The following ZNF638 variants were observed in gnomAD, a reference collection of about 807,000 sequenced individuals.
The protein encoded by ZNF638 is zinc finger protein 638, also known as CTCL tumor antigen se33-1.
In ZNF638, 46 loss-of-function variants were observed where a neutral mutation model predicts 195.6. The observed-to-expected ratio is 0.24, with a 90% CI of 0.19 to 0.30. ZNF638 has a LOEUF of 0.30. Ranked by LOEUF, ZNF638 falls within the 10% of genes least tolerant of loss-of-function variation. The pLI is 1.00. For missense variants in ZNF638, 2,440 were observed against 2,325.3 expected (o/e 1.05, Z -1.01); for synonymous variants, 845 against 772.0 (o/e 1.09, Z -1.57).
intron 1 of ZNF638, among the ~76,000 whole-genome samples, chr2:71,333,825 T>G (rs966289297): frequency 3.3e-5 from 5 of 152,222 alleles, no homozygotes; most frequent in Admixed American, 2.6e-4. Flanking sequence ...GACTGTTAAG[T>G]GAGACAGTGT....
At chr2:71,408,472 C>A (rs566646520) in intron 20 of ZNF638, 2 of 465,774 alleles carry the variant, frequency 4.3e-6, no homozygotes, top group African/African-American at 2.0e-5. Context: ...TGAATACTTA[C>A]TGTTGACATG....
At chr2:71,389,291 G>C (rs184939813) in intron 10 of ZNF638, among the ~76,000 whole-genome samples, 79 of 152,258 alleles carry the variant, frequency 5.2e-4, no homozygotes, top group African/African-American at 1.8e-3. Context: ...TAACCTGCCC[G>C]GTAATGCAAG....
At position 71,348,776 on chromosome 2, in the gene ZNF638, T is replaced by G. The variant is rs2078895756; in HGVS notation, c.-179T>G. The G allele has an allele frequency of 6.5e-7, 1 of 1,542,892 alleles. No homozygotes were observed. The highest frequency in any genetic ancestry group is 1.4e-5 in the African/African-American group (1 of 73,452). ...AGCTTTGTGTTATTCTTGGAAAATT[T>G]CGCACCACTTGTGAATTCCTTGAAC... On this transcript the variant is annotated 5_prime_UTR_variant, in exon 2 of 28. Coordinates refer to ENST00000264447, the MANE Select transcript of ZNF638 (RefSeq NM_014497.5).
Position 71,345,114 on chromosome 2 carries a change from A to G in ZNF638, c.-202-3639A>G, listed in dbSNP as rs1039306489. On this transcript the variant is annotated intron_variant, in intron 1 of 27. Coordinates refer to ENST00000264447, the MANE Select transcript of ZNF638 (RefSeq NM_014497.5). ...ACATTCATAAAACTTTCATTATGCT[A>G]TATTTTAATTATTTTTAATTGTTAA... is the stretch of plus-strand genomic sequence containing the variant. 2.6e-5 allele frequency among the ~76,000 whole-genome samples: 4 copies of G among 152,340 alleles called. No individual in the cohort carries two copies. The East Asian group carries it at 5.8e-4, about 22-fold the overall frequency.
At chr2:71,370,496 T>C (rs2079290305) in intron 8 of ZNF638, among the ~76,000 whole-genome samples, 1 of 152,218 alleles carries the variant, frequency 6.6e-6, no homozygotes, top group Non-Finnish European at 1.5e-5. Flanking sequence ...TTCTAGATCA[T>C]TTCTGTGCTT....
At chr2:71,352,352 C>T (rs1188175056) in intron 2 of ZNF638, among the ~76,000 whole-genome samples, 2 of 151,872 alleles carry the variant, frequency 1.3e-5, no homozygotes, top group Admixed American at 6.6e-5. Flanking sequence ...GTCATGCGCA[C>T]CTGTAATTCC....
chr2:71,395,782 C>T (rs2079880786), intron 10 of ZNF638: 2 of 392,096 alleles, frequency 5.1e-6, no homozygotes, highest in African/African-American at 2.1e-5. Context: ...TTTTTTCATC[C>T]GTCGCTCAGC....
rs189406220 is a variant in ZNF638, at chr2:71,420,583, G to A, written c.3299+1944G>A. ...TTATTGTATGCTTTTTCTGAAGGCT[G>A]TGAAATTCTGGTATTACTGGGATAT... On this transcript the variant is annotated intron_variant, in intron 21 of 27. Transcript: ENST00000264447. Among the ~76,000 whole-genome samples, 316 of 152,296 alleles carry A rather than the reference G, an allele frequency of 2.1e-3. 1 individual carries two copies. The highest frequency in any genetic ancestry group is 3.3e-3 in the Non-Finnish European group (226 of 68,000).
Position 71,355,400 on chromosome 2 carries a change from G to A in ZNF638, c.1318-319G>A, listed in dbSNP as rs532873157. Among the ~76,000 whole-genome samples, 12 of 151,790 alleles carry A rather than the reference G, an allele frequency of 7.9e-5. No individual in the cohort carries two copies. The South Asian group carries it at 2.3e-3, about 29-fold the overall frequency. ...CTGGTGTGTTGTTTTTATATTTGCA[G>A]TAAGTTTTTTCTGATCCATGCTTTT... On this transcript the variant is annotated intron_variant, in intron 2 of 27. Transcript: ENST00000264447.
chr2:71,375,961 T>G (rs183657797), intron 8 of ZNF638: 2 of 152,320 alleles, frequency 1.3e-5, no homozygotes, highest in Admixed American at 6.5e-5. Flanking sequence ...GATCATTAAA[T>G]TTTTGGAATT....
chr2:71,382,772 T>G (rs2079556070), intron 10 of ZNF638, among the ~76,000 whole-genome samples: 1 of 152,028 alleles, frequency 6.6e-6, no homozygotes, highest in Non-Finnish European at 1.5e-5. Flanking sequence ...AAATGAGAAG[T>G]TCTGTGACAC....
intron 2 of ZNF638, among the ~76,000 whole-genome samples, chr2:71,351,916 A>G (rs964968978): frequency 2.0e-5 from 3 of 152,248 alleles, no homozygotes; most frequent in African/African-American, 4.8e-5. Flanking sequence ...TGTATCACTC[A>G]GGCCAGCATC....
rs2078574944 is a variant in ZNF638, at chr2:71,331,878, A to G, written c.-203+3A>G. The G allele has an allele frequency of 7.1e-6, 7 of 986,442 alleles. No homozygotes were observed. Among genetic ancestry groups the G allele is most frequent in the Non-Finnish European group, 7.2e-6 (6 of 830,396 alleles). 61.1% of individuals were successfully genotyped at this position (986,442 alleles called of 1,614,324 possible). On this transcript the variant is annotated splice_donor_region_variant and intron_variant, in intron 1 of 27. Transcript: ENST00000264447. The stretch of plus-strand genomic sequence containing the variant: ...AGCTGTTAGTCGGGTAGGCATAGGT[A>G]GGACCGCTGCCCTGTGGGGAGTAGG...
chr2:71,394,100 G>A (rs6744886), intron 10 of ZNF638, among the ~76,000 whole-genome samples: 70,788 of 152,016 alleles, frequency 0.47, 18,357 homozygotes, highest in Admixed American at 0.6. Flanking sequence ...GGTCTGTCAC[G>A]GGGGACAAGC....
intron 10 of ZNF638, chr2:71,395,304 A>G (rs774285607): frequency 9.8e-6 from 7 of 717,058 alleles, no homozygotes; most frequent in Non-Finnish European, 1.8e-5. Context: ...GCTGCTGTGC[A>G]CATCTGTACT....
intron 17 of ZNF638, 129 bp from the exon 18 acceptor site, chr2:71,405,472 C>T: frequency 1.7e-6 from 1 of 596,968 alleles, no homozygotes; most frequent in Non-Finnish European, 2.9e-6. Flanking sequence ...AATCTTGCTG[C>T]TTCTTAATTT....
rs202049711 is a variant in ZNF638 at position 71,428,696 on chromosome 2, G to T, written c.5650+45G>T. On this transcript the variant is annotated intron_variant, in intron 25 of 27. Coordinates refer to ENST00000264447, the MANE Select transcript of ZNF638 (RefSeq NM_014497.5). ...ATGGGAAGGAAAGTTACACAACACA[G>T]GAGAGTAGTTGAAGTTTAAAGATCT... is the stretch of plus-strand genomic sequence containing the variant. 3.1e-5 allele frequency: 47 copies of T among 1,492,680 alleles called. 1 individual carries two copies. In the East Asian group the frequency reaches 9.3e-4, roughly 29 times the overall value. The allele number at this position is 1,492,680 out of a possible 1,614,324, so 92.5% of individuals were successfully genotyped here.
intron 10 of ZNF638, chr2:71,393,677 T>C (rs2079834957): frequency 1.4e-6 from 1 of 712,386 alleles, no homozygotes; most frequent in African/African-American, 1.7e-5. Flanking sequence ...ATCCTTTTTA[T>C]GCTCTCGCTT....
chr2:71,407,249 C>T (rs940723340), intron 19 of ZNF638: 6 of 152,042 alleles, frequency 3.9e-5, no homozygotes, highest in African/African-American at 1.4e-4. Flanking sequence ...ATAAATAGAG[C>T]ATAGAATGGA....
Sources: allele counts gnomAD v4.1 joint callset (sites outside exome capture counted in the v4.1 genomes callset), GRCh38; gene constraint gnomAD v4.1.1; transcripts MANE v1.5; gene names NCBI Gene and HGNC (gene_info 2026-07-23, HGNC 2026-07-21).